The following PLPPR1 variants were observed in gnomAD, a reference collection of about 807,000 sequenced individuals.
The protein encoded by PLPPR1 is phospholipid phosphatase related 1, also known as phospholipid phosphatase-related protein type 1.
A neutral mutation model predicts 33.1 loss-of-function variants in PLPPR1; 10 were observed. The ratio of observed to expected loss-of-function variants is 0.30; its 90% CI spans 0.19 to 0.51. The LOEUF is 0.51. PLPPR1 is among the 20% of genes least tolerant of loss of function. The pLI is 0.97. For synonymous variants in PLPPR1, 151 were observed against 151.0 expected (o/e 1.00, Z 0.00); for missense variants, 304 against 408.1 (o/e 0.74, Z 2.20).
intron 1 of PLPPR1, among the ~76,000 whole-genome samples, chr9:101,102,093 C>CTTTTT (rs397937393): frequency 7.0e-5 from 5 of 71,878 alleles, no homozygotes; most frequent in African/African-American, 1.1e-4. Context: ...GTAGGAACAA[C>CTTTTT]TTTTTTTTTT....
At chr9:101,060,699 CTG>C (rs1425747819) in intron 1 of PLPPR1, among the ~76,000 whole-genome samples, 1 of 151,706 alleles carries the variant, frequency 6.6e-6, no homozygotes, top group Non-Finnish European at 1.5e-5. Context: ...GCTTTACACT[CTG>C]TAGCAAGATA....
intron 1 of PLPPR1, among the ~76,000 whole-genome samples, chr9:101,037,379 A>G (rs973210699): frequency 6.6e-6 from 1 of 152,228 alleles, no homozygotes; most frequent in South Asian, 2.1e-4. Context: ...AAAAGTGATC[A>G]TATTTACTGG....
intron 1 of PLPPR1, among the ~76,000 whole-genome samples, chr9:101,079,918 T>C (rs650894): frequency 0.68 from 103,381 of 151,522 alleles, 35,615 homozygotes; most frequent in East Asian, 0.89. Context: ...TTTTTTCTCA[T>C]TCTGGAAGTT....
intron 2 of PLPPR1, among the ~76,000 whole-genome samples, chr9:101,256,588 C>T (rs368473536): frequency 1.3e-5 from 2 of 152,174 alleles, no homozygotes; most frequent in East Asian, 1.9e-4. Context: ...GGGTGGTGCT[C>T]ATTGTAAAGT....
intron 1 of PLPPR1, among the ~76,000 whole-genome samples, chr9:101,160,690 A>G (rs1046330474): frequency 1.3e-5 from 2 of 152,088 alleles, no homozygotes; most frequent in African/African-American, 4.8e-5. Flanking sequence ...TCCTGGATAA[A>G]AGACTTATAA....
At position 101,312,865 on chromosome 9, in the gene PLPPR1, C is replaced by A; in HGVS notation, c.704C>A (p.Thr235Asn). ...GCCAAGCCGGTGCTGTGCCTCGGAA[C>A]TCTCTGCACAGCCTTCCTGACAGGC... is the stretch of plus-strand genomic sequence containing the variant. ...RLAKPVLCLG[T>N]LCTAFLTGLN... Residue 235 changes from threonine (T) to asparagine (N), a missense_variant, in exon 6 of 8, where the codon ACT becomes AAT. Physicochemically the swap from Thr to Asn is moderately conservative, Grantham distance 65. Coordinates refer to ENST00000374874, the MANE Select transcript of PLPPR1 (RefSeq NM_207299.2). The A allele has an allele frequency of 6.2e-7, 1 of 1,614,124 alleles. No homozygotes were observed. The highest frequency in any genetic ancestry group is 8.5e-7 in the Non-Finnish European group (1 of 1,179,978).
intron 2 of PLPPR1, among the ~76,000 whole-genome samples, chr9:101,250,261 C>A (rs1349320775): frequency 6.6e-6 from 1 of 152,046 alleles, no homozygotes; most frequent in Admixed American, 6.6e-5. Context: ...AATAAGGACT[C>A]TGGGTCTTCT....
At chr9:101,085,646 A>C (rs142694759) in intron 1 of PLPPR1, among the ~76,000 whole-genome samples, 6 of 152,306 alleles carry the variant, frequency 3.9e-5, no homozygotes, top group African/African-American at 1.4e-4. Flanking sequence ...TGAAGTCATA[A>C]TTCATTAACT....
chr9:101,316,616 C>CAAAAAAGAAAAAAAAAAAAAAAAAAAAAA (rs1829054779), intron 6 of PLPPR1, among the ~76,000 whole-genome samples: 1 of 82,596 alleles, frequency 1.2e-5, no homozygotes, highest in African/African-American at 5.8e-5. Context: ...TCTTCTTGGG[C>CAAAAAAGAAAAAAAAAAAAAAAAAAAAAA]AAAAAAAAAA....
At chr9:101,188,695 C>A (rs888372969) in intron 2 of PLPPR1, among the ~76,000 whole-genome samples, 1 of 151,588 alleles carries the variant, frequency 6.6e-6, no homozygotes, top group East Asian at 1.9e-4. Context: ...TGGTTTAATC[C>A]CCTATTTCCT....
chr9:101,323,327 TC>T (rs375254195), intron 7 of PLPPR1, among the ~76,000 whole-genome samples: 29 of 151,788 alleles, frequency 1.9e-4, no homozygotes, highest in African/African-American at 6.5e-4. Context: ...AGACACTGTC[TC>T]TACAAAAAAT....
chr9:101,155,644 G>C (rs1441854268), intron 1 of PLPPR1, among the ~76,000 whole-genome samples: 1 of 150,638 alleles, frequency 6.6e-6, no homozygotes, highest in Non-Finnish European at 1.5e-5. Context: ...TTGTTGCCCA[G>C]GCTGGAGTGC....
At chr9:101,283,659 C>T (rs1013534595) in intron 3 of PLPPR1, among the ~76,000 whole-genome samples, 2 of 152,098 alleles carry the variant, frequency 1.3e-5, no homozygotes, top group East Asian at 3.9e-4. Flanking sequence ...AATGGGATTA[C>T]ATCAAACTAA....
rs560914392 is a variant in PLPPR1 at position 101,147,983 on chromosome 9, G to A, written c.-45-37467G>A. On this transcript the variant is annotated intron_variant, in intron 1 of 7. Transcript: ENST00000374874. ...CATGGTCATAACTGAAGTCAAATTTGGATGCCCATTCACTTGAGGGTGGAT... is the reference window on the plus strand; with the variant it reads ...CATGGTCATAACTGAAGTCAAATTTAGATGCCCATTCACTTGAGGGTGGAT... Among the ~76,000 whole-genome samples, 5 of 152,252 alleles carry A rather than the reference G, an allele frequency of 3.3e-5. No homozygotes were observed. The South Asian group carries it at 1.0e-3, about 32-fold the overall frequency.
chr9:101,091,817 C>G (rs945162920), intron 1 of PLPPR1, among the ~76,000 whole-genome samples: 30 of 152,206 alleles, frequency 2.0e-4, no homozygotes, highest in African/African-American at 7.0e-4. Context: ...AAATATATCT[C>G]AACCATTCCA....
At chr9:101,250,909 G>C (rs1827702974) in intron 2 of PLPPR1, among the ~76,000 whole-genome samples, 1 of 152,002 alleles carries the variant, frequency 6.6e-6, no homozygotes, top group African/African-American at 2.4e-5. Context: ...GTCCATGGCT[G>C]ACTGTTGCTT....
chr9:101,198,905 A>T (rs1826445280), intron 2 of PLPPR1, among the ~76,000 whole-genome samples: 1 of 152,228 alleles, frequency 6.6e-6, no homozygotes, highest in Non-Finnish European at 1.5e-5. Flanking sequence ...CAAATCATGC[A>T]GTAACTTGCA....
chr9:101,183,302 T>C lies in PLPPR1; in HGVS notation c.-45-2148T>C, dbSNP rs556910728. On this transcript the variant is annotated intron_variant, in intron 1 of 7. Coordinates refer to ENST00000374874, the MANE Select transcript of PLPPR1 (RefSeq NM_207299.2). Reference sequence around the variant, plus strand: ...CCAACTGGTAAAAGTGCAATAGCCATACAATGGAATATTATTCGGCAGTTA... The same window carrying C: ...CCAACTGGTAAAAGTGCAATAGCCACACAATGGAATATTATTCGGCAGTTA... 2.6e-5 allele frequency among the ~76,000 whole-genome samples: 4 copies of C among 151,914 alleles called. No homozygotes were observed. In the South Asian group the frequency reaches 8.3e-4, roughly 31 times the overall value.
chr9:101,174,264 C>A (rs73656179), intron 1 of PLPPR1, among the ~76,000 whole-genome samples: 8,511 of 152,140 alleles, frequency 0.056, 820 homozygotes, highest in African/African-American at 0.19. Flanking sequence ...CTTGTTGTTG[C>A]CTAGCTTTTT....
Sources: allele counts gnomAD v4.1 joint callset (sites outside exome capture counted in the v4.1 genomes callset), GRCh38; gene constraint gnomAD v4.1.1; transcripts MANE v1.5; gene names NCBI Gene and HGNC (gene_info 2026-07-23, HGNC 2026-07-21).